Variants in ARHGAP32 observed in about 807,000 individuals in gnomAD.
The protein encoded by ARHGAP32 is rho GTPase-activating protein 32.
In ARHGAP32, 51 loss-of-function variants were observed where a neutral mutation model predicts 186.5. The observed-to-expected ratio is 0.27, with a 90% confidence interval of 0.22 to 0.35. ARHGAP32 has a LOEUF of 0.35. Among genes scored for constraint, ARHGAP32 ranks in the 10% least tolerant of loss-of-function variants. The probability of loss-of-function intolerance (pLI) is 1.00; values close to 1 mark genes in which losing one functional copy is unlikely to be tolerated. For synonymous variants in ARHGAP32, 950 were observed against 964.3 expected (o/e 0.99, Z 0.27); for missense variants, 2,186 against 2,623.5 (o/e 0.83, Z 3.64).
chr11:129,012,163 CA>C (rs1319979971), intron 11 of ARHGAP32, among the ~76,000 whole-genome samples: 2 of 152,000 alleles, frequency 1.3e-5, no homozygotes, highest in African/African-American at 4.8e-5. Flanking sequence ...TTCTAAGGAC[CA>C]AAAAACTCCT....
At position 129,161,677 on chromosome 11, in the gene ARHGAP32, A is replaced by G. The variant is rs563405026; in HGVS notation, c.225+2642T>C. 3.3e-5 allele frequency among the ~76,000 whole-genome samples: 5 copies of G among 152,332 alleles called. No individual in the cohort carries two copies. In the East Asian group the frequency reaches 7.7e-4, roughly 23 times the overall value. The stretch of plus-strand genomic sequence containing the variant: ...GCTGGAGAGGATGTGGAGAAACAGG[A>G]ACACTTTTACACTGTTGGTGGGAGT... On this transcript the variant is annotated intron_variant, in intron 2 of 22. Transcript: ENST00000682385.
In ARHGAP32 at chr11:128,965,181, C is replaced by G. The variant is rs1229498078; in HGVS notation, c.*3726G>C. On this transcript the variant is annotated 3_prime_UTR_variant, in exon 23 of 23. Transcript: ENST00000682385. ...ATCCCTTCCTCCCTCCCCTGCCACC[C>G]CCCACCCCACCCTGCAACCAAAGAA... 6.6e-6 allele frequency: 1 copy of G among 151,952 alleles called. No homozygotes were observed. Among genetic ancestry groups the G allele is most frequent in the Non-Finnish European group, 1.5e-5 (1 of 68,010 alleles). 9.4% of individuals were successfully genotyped at this position (151,952 alleles called of 1,614,324 possible).
chr11:129,036,380 C>CAAAAAAAA (rs58678377), intron 11 of ARHGAP32, among the ~76,000 whole-genome samples: 10 of 98,684 alleles, frequency 1.0e-4, no homozygotes, highest in Admixed American at 2.1e-4. Context: ...AACTCCGTCT[C>CAAAAAAAA]AAAAAAAAAA....
At chr11:128,977,558 G>A (rs552712882) in intron 19 of ARHGAP32, among the ~76,000 whole-genome samples, 1 of 152,012 alleles carries the variant, frequency 6.6e-6, no homozygotes, top group South Asian at 2.1e-4. Flanking sequence ...TTAGTCTCCT[G>A]TCAGTTAGGT....
At chr11:129,185,991 ATC>A (rs1344718827) in intron 1 of ARHGAP32, among the ~76,000 whole-genome samples, 4 of 152,128 alleles carry the variant, frequency 2.6e-5, no homozygotes, top group Admixed American at 6.6e-5. Flanking sequence ...TGCTCTGAAT[ATC>A]ATCTTGCTAA....
At chr11:129,012,014 G>C (rs1216360181) in intron 11 of ARHGAP32, among the ~76,000 whole-genome samples, 2 of 152,078 alleles carry the variant, frequency 1.3e-5, no homozygotes, top group Non-Finnish European at 2.9e-5. Flanking sequence ...AAGGGTAAAG[G>C]GTAAGAATAG....
intron 1 of ARHGAP32, among the ~76,000 whole-genome samples, chr11:129,228,320 AAACT>A (rs1310815633): frequency 1.3e-5 from 2 of 152,192 alleles, no homozygotes; most frequent in African/African-American, 2.4e-5. Flanking sequence ...GTAAAAGAAC[AAACT>A]AAATTCAAAG....
chr11:129,237,587 T>C (rs1378934647), intron 1 of ARHGAP32, among the ~76,000 whole-genome samples: 4 of 152,128 alleles, frequency 2.6e-5, no homozygotes, highest in Non-Finnish European at 5.9e-5. Flanking sequence ...GAGGCCTAAA[T>C]GAACTGAGTG....
At chr11:129,118,458 A>G (rs1942433130) in intron 5 of ARHGAP32, among the ~76,000 whole-genome samples, 1 of 152,092 alleles carries the variant, frequency 6.6e-6, no homozygotes, top group Admixed American at 6.6e-5. Context: ...TGGTTCCTTG[A>G]TAAGACCAAG....
rs763735582 is a variant in ARHGAP32, at chr11:128,970,648, G to A, written c.4565C>T (p.Pro1522Leu). The A allele has an allele frequency of 6.2e-7, 1 of 1,614,042 alleles. No homozygotes were observed. Among genetic ancestry groups the A allele is most frequent in the Non-Finnish European group, 8.5e-7 (1 of 1,180,038 alleles). Residue 1522 changes from proline (P) to leucine (L), a missense_variant, in exon 23 of 23, where the codon CCT becomes CTT. By Grantham distance (98) the Pro-to-Leu change is moderately conservative. Transcript: ENST00000682385. The surrounding 1 kb of genome is among the most constrained non-coding windows in gnomAD (Gnocchi z 5.8). Reference protein sequence around the residue: ...PNCQYRPQSVPPHHNKLEQHQ... With the variant: ...PNCQYRPQSVLPHHNKLEQHQ... ...CTGCTCCAATTTATTGTGATGGGGA[G>A]GTACACTCTGGGGACGGTACTGGCA...
At chr11:129,147,749 T>C (rs1184335554) in intron 2 of ARHGAP32, among the ~76,000 whole-genome samples, 2 of 152,250 alleles carry the variant, frequency 1.3e-5, no homozygotes, top group Non-Finnish European at 2.9e-5. Flanking sequence ...GAACCACTTT[T>C]AACAACTGAC....
intron 1 of ARHGAP32, among the ~76,000 whole-genome samples, chr11:129,174,273 C>T (rs1358567662): frequency 6.6e-6 from 1 of 152,230 alleles, no homozygotes; most frequent in Non-Finnish European, 1.5e-5. Flanking sequence ...ATATCCCGCA[C>T]ATGGCTCGGA....
At chr11:129,178,865 T>C (rs1399871214) in intron 1 of ARHGAP32, among the ~76,000 whole-genome samples, 1 of 151,830 alleles carries the variant, frequency 6.6e-6, no homozygotes, top group Admixed American at 6.6e-5. Context: ...GGCATTACCA[T>C]TCAGGACATA....
At chr11:129,237,066 T>A (rs1219271365) in intron 1 of ARHGAP32, among the ~76,000 whole-genome samples, 3 of 152,236 alleles carry the variant, frequency 2.0e-5, no homozygotes, top group Non-Finnish European at 4.4e-5. Flanking sequence ...GGCTTAAGTA[T>A]GTTAAACCAT....
intron 1 of ARHGAP32, among the ~76,000 whole-genome samples, chr11:129,166,655 G>A (rs532804359): frequency 5.3e-5 from 8 of 151,460 alleles, no homozygotes; most frequent in South Asian, 4.2e-4. Flanking sequence ...CCTCACCAAA[G>A]TAACCATTTT....
chr11:129,255,590 C>T (rs1053326033), intron 1 of ARHGAP32, among the ~76,000 whole-genome samples: 1 of 151,914 alleles, frequency 6.6e-6, no homozygotes, highest in South Asian at 2.1e-4. Context: ...AAAGATGTAA[C>T]CCAGACAGCA....
chr11:129,064,989 G>T, intron 7 of ARHGAP32, 56 bp from the exon 8 acceptor site: 1 of 1,384,300 alleles, frequency 7.2e-7, no homozygotes, highest in Non-Finnish European at 1.0e-6. Context: ...TCTCTGGCAG[G>T]GAAAACTGGA....
intron 1 of ARHGAP32, among the ~76,000 whole-genome samples, chr11:129,201,644 TA>T (rs1944455426): frequency 6.6e-6 from 1 of 152,082 alleles, no homozygotes; most frequent in African/African-American, 2.4e-5. Flanking sequence ...AAACAGCCAC[TA>T]AAATACAACA....
chr11:129,131,765 T>C (rs981083574), intron 2 of ARHGAP32, among the ~76,000 whole-genome samples: 1 of 152,074 alleles, frequency 6.6e-6, no homozygotes, highest in Non-Finnish European at 1.5e-5. Flanking sequence ...TATGGGTACT[T>C]AAGAGCCTGA....
Sources: allele counts gnomAD v4.1 joint callset (sites outside exome capture counted in the v4.1 genomes callset), GRCh38; gene constraint gnomAD v4.1.1; non-coding constraint Gnocchi (gnomAD v3.1); transcripts MANE v1.5; gene names NCBI Gene and HGNC (gene_info 2026-07-23, HGNC 2026-07-21).